The following CCDC32 variants were observed in gnomAD, a reference collection of about 807,000 sequenced individuals.
CCDC32 encodes the protein coiled-coil domain-containing protein 32.
A neutral mutation model predicts 20.1 loss-of-function variants in CCDC32; 9 were observed. That is an observed-to-expected ratio of 0.45 (90% CI 0.27 to 0.78). The LOEUF (loss-of-function observed/expected upper bound fraction) is 0.78, where lower values mean the gene tolerates loss of function less well. Among genes scored for constraint, CCDC32 ranks in the 30% least tolerant of loss-of-function variants. The pLI is 0.16. For missense variants in CCDC32, 204 were observed against 215.5 expected (o/e 0.95, Z 0.33); for synonymous variants, 63 against 79.0 (o/e 0.80, Z 1.07).
At chr15:40,563,286 C>T (rs1890780619) in intron 1 of CCDC32, among the ~76,000 whole-genome samples, 1 of 152,058 alleles carries the variant, frequency 6.6e-6, no homozygotes, top group South Asian at 2.1e-4. Context: ...TCACCTTAGC[C>T]CAGGAGATAG....
At chr15:40,564,801 G>T in intron 1 of CCDC32, 175 bp downstream of exon 1, 1 of 1,614,036 alleles carries the variant, frequency 6.2e-7, no homozygotes, top group Non-Finnish European at 8.5e-7. Flanking sequence ...CCCAGGGCAG[G>T]GCGTCCAGAA....
At chr15:40,541,167 C>T (rs1252243685) in intron 3 of CCDC32, among the ~76,000 whole-genome samples, 1 of 152,202 alleles carries the variant, frequency 6.6e-6, no homozygotes, top group Non-Finnish European at 1.5e-5. Context: ...CAGTTTCCCT[C>T]CTCTCTCCTC....
At chr15:40,532,451 A>G (rs995346843), downstream of CCDC32, 5 of 575,210 alleles carry the variant, frequency 8.7e-6, no homozygotes, top group Non-Finnish European at 1.6e-5. Context: ...GTATGAAAAA[A>G]GATGCTTCAA....
rs199660091 is a variant in CCDC32, at chr15:40,564,766, A to G, written c.-13+210T>C. On this transcript the variant is annotated intron_variant, in intron 1 of 3. Coordinates refer to ENST00000416810, the MANE Select transcript of CCDC32 (RefSeq NM_001080792.4). ...CACCCAAAACCAAAACTTTGCTCAC[A>G]CCAGAGCCCCGCATGGCCCCTTACC... The G allele has an allele frequency of 9.2e-4, 1,477 of 1,614,130 alleles. 12 individuals carry two copies. The Middle Eastern group carries it at 0.011, about 12-fold the overall frequency.
chr15:40,522,828 C>CTTT, the CCDC32 span, among the ~76,000 whole-genome samples: 2,108 of 131,116 alleles, frequency 0.016, 58 homozygotes, highest in African/African-American at 0.055. Context: ...GTTTTCCTTT[C>CTTT]TTTTTTTTTT....
chr15:40,523,504 CA>C, the CCDC32 span, among the ~76,000 whole-genome samples: 31,387 of 88,322 alleles, frequency 0.36, 3,944 homozygotes, highest in Middle Eastern at 0.45. Flanking sequence ...AACTCCATCT[CA>C]AAAAAAAAAA....
downstream of CCDC32, chr15:40,534,847 G>A (rs1236045468): frequency 1.4e-6 from 1 of 701,340 alleles, no homozygotes; most frequent in Non-Finnish European, 2.6e-6. Context: ...GTATATTTTA[G>A]AGGGACACAA....
chr15:40,548,818 A>G (rs1327207431), downstream of CCDC32, among the ~76,000 whole-genome samples: 1 of 152,150 alleles, frequency 6.6e-6, no homozygotes, highest in Non-Finnish European at 1.5e-5. Flanking sequence ...GTACTCTATT[A>G]GCAAGGCAGT....
At chr15:40,532,031 GAC>G, downstream of CCDC32, 1 of 353,362 alleles carries the variant, frequency 2.8e-6, no homozygotes, top group East Asian at 4.6e-5. Flanking sequence ...GGTTTCTTCT[GAC>G]ATCTGTGCTA....
chr15:40,545,078 T>G (rs1362031539), intron 3 of CCDC32, among the ~76,000 whole-genome samples: 1 of 152,014 alleles, frequency 6.6e-6, no homozygotes, highest in African/African-American at 2.4e-5. Context: ...AATCCAAGAG[T>G]TTACCTTTGG....
chr15:40,547,387 C>T (rs1281485711), intron 3 of CCDC32, among the ~76,000 whole-genome samples: 2 of 152,064 alleles, frequency 1.3e-5, no homozygotes, highest in Non-Finnish European at 2.9e-5. Context: ...TTAAATAGGT[C>T]CTAGGCACCC....
rs79279987 is a variant in CCDC32 at position 40,554,417 on chromosome 15, G to A, written c.402-290C>T. On this transcript the variant is annotated intron_variant, in intron 3 of 3. Coordinates refer to ENST00000416810, the MANE Select transcript of CCDC32 (RefSeq NM_001080792.4). Reference sequence around the variant, plus strand: ...TGATGAGAACCGCTGAAGAGTTTACGCCTCAGTCCTAAAGACCTAAAGATA... The same window carrying A: ...TGATGAGAACCGCTGAAGAGTTTACACCTCAGTCCTAAAGACCTAAAGATA... Among the ~76,000 whole-genome samples, 1,206 of 152,124 alleles carry A rather than the reference G, an allele frequency of 7.9e-3. 14 individuals carry two copies. Among genetic ancestry groups the A allele is most frequent in the African/African-American group, 0.028 (1,143 of 41,490 alleles).
At chr15:40,539,399 G>C (rs748089458) in intron 3 of CCDC32, 29 of 1,471,488 alleles carry the variant, frequency 2.0e-5, no homozygotes, top group Non-Finnish European at 2.7e-5. Flanking sequence ...AAGATAGACA[G>C]ATACAGTCAG....
At position 40,541,751 on chromosome 15, in the gene CCDC32, A is replaced by G. The variant is rs564015169; in HGVS notation, c.402-2396T>C. Among the ~76,000 whole-genome samples the G allele has an allele frequency of 3.3e-5, 5 of 152,308 alleles. No individual in the cohort carries two copies. The East Asian group carries it at 9.6e-4, about 29-fold the overall frequency. On this transcript the variant is annotated intron_variant, in intron 3 of 3. Transcript: ENST00000558113. The stretch of plus-strand genomic sequence containing the variant: ...CCTCCCTCACTCCTGCTCACCCCCT[A>G]AAATCAGCCACCTACATACAGGTCC...
At chr15:40,529,892 ACCTT>A (rs1888824010) in intron 3 of CCDC32, among the ~76,000 whole-genome samples, 1 of 151,024 alleles carries the variant, frequency 6.6e-6, no homozygotes, top group Non-Finnish European at 1.5e-5. Flanking sequence ...CGATCTCCTG[ACCTT>A]GTGATCTGCC....
At chr15:40,539,150 C>T (rs73384329), downstream of CCDC32, 3,075 of 1,128,964 alleles carry the variant, frequency 2.7e-3, 67 homozygotes, top group African/African-American at 0.041. Context: ...GTTGCTGTTT[C>T]TCCCCAGCTC....
rs544836907 is a variant in CCDC32 at position 40,559,324 on chromosome 15, G to A, written c.245-1952C>T. ...CTGGTCTCAAACTCTTGGCCTACACGTGACCCTCCCACATCGGCCTCTCAG... is the reference window on the plus strand; with the variant it reads ...CTGGTCTCAAACTCTTGGCCTACACATGACCCTCCCACATCGGCCTCTCAG... On this transcript the variant is annotated intron_variant, in intron 2 of 3. Coordinates refer to ENST00000416810, the MANE Select transcript of CCDC32 (RefSeq NM_001080792.4). Among the ~76,000 whole-genome samples, 4 of 152,232 alleles carry A rather than the reference G, an allele frequency of 2.6e-5. No homozygotes were observed. In the South Asian group the frequency reaches 6.2e-4, roughly 24 times the overall value.
chr15:40,535,147 C>T, downstream of CCDC32: 1 of 1,036,476 alleles, frequency 9.6e-7, no homozygotes, highest in Non-Finnish European at 1.4e-6. Context: ...CAGAGCTGTG[C>T]ATCAGGAAGA....
At chr15:40,535,615 A>G, downstream of CCDC32, 1 of 985,158 alleles carries the variant, frequency 1.0e-6, no homozygotes, top group Non-Finnish European at 1.2e-6. Context: ...ACAACCAAAA[A>G]AAAAAAAGAA....
Sources: allele counts gnomAD v4.1 joint callset (sites outside exome capture counted in the v4.1 genomes callset), GRCh38; gene constraint gnomAD v4.1.1; transcripts MANE v1.5; gene names NCBI Gene and HGNC (gene_info 2026-07-23, HGNC 2026-07-21).